The following RERE variants were observed in gnomAD, a reference collection of about 807,000 sequenced individuals.
The protein encoded by RERE is arginine-glutamic acid dipeptide repeats.
Under a neutral mutation model 146.1 loss-of-function variants are expected in RERE, and 40 were observed. The observed-to-expected ratio is 0.27, with a 90% confidence interval of 0.21 to 0.36. RERE has a LOEUF of 0.36. RERE is among the 10% of genes least tolerant of loss of function. The probability of loss-of-function intolerance (pLI) is 1.00; values close to 1 mark genes in which losing one functional copy is unlikely to be tolerated. For missense variants in RERE, 1,933 were observed against 2,138.7 expected (o/e 0.90, Z 1.90); for synonymous variants, 1,003 against 866.0 (o/e 1.16, Z -2.78).
intron 1 of RERE, among the ~76,000 whole-genome samples, chr1:8,812,247 G>A (rs1236345487): frequency 6.6e-6 from 1 of 152,200 alleles, no homozygotes; most frequent in African/African-American, 2.4e-5. Flanking sequence ...CAAATACCGA[G>A]TGGTTTATGA....
intron 6 of RERE, among the ~76,000 whole-genome samples, chr1:8,552,959 CACAA>C (rs1313913289): frequency 5.3e-5 from 8 of 151,320 alleles, no homozygotes; most frequent in South Asian, 4.2e-4. Context: ...CCAGCAAGTC[CACAA>C]ACACTCATGA....
chr1:8,447,774 AGT>A (rs1225243266), intron 11 of RERE, among the ~76,000 whole-genome samples: 1 of 152,196 alleles, frequency 6.6e-6, no homozygotes, highest in Non-Finnish European at 1.5e-5. Flanking sequence ...CAGAAGAATG[AGT>A]GTGCGGCACT....
intron 3 of RERE, among the ~76,000 whole-genome samples, chr1:8,616,539 C>T (rs890428251): frequency 6.6e-6 from 1 of 152,054 alleles, no homozygotes; most frequent in African/African-American, 2.4e-5. Flanking sequence ...ATTGTCTCAA[C>T]CTTTCTTAAG....
chr1:8,459,636 T>G (rs1472531058), intron 11 of RERE, among the ~76,000 whole-genome samples: 3 of 152,268 alleles, frequency 2.0e-5, no homozygotes, highest in African/African-American at 7.2e-5. Flanking sequence ...GACAATGACA[T>G]AAAACCACGT....
chr1:8,680,046 G>A (rs536937094), intron 1 of RERE, among the ~76,000 whole-genome samples: 9 of 152,232 alleles, frequency 5.9e-5, no homozygotes, highest in Non-Finnish European at 1.2e-4. Flanking sequence ...TGGAATAGCT[G>A]TTTTCTTAGT....
At chr1:8,363,882 C>G in intron 15 of RERE, 174 bp downstream of exon 15, 1 of 634,942 alleles carries the variant, frequency 1.6e-6, no homozygotes, top group Non-Finnish European at 2.7e-6. Context: ...AAGGAGAGAA[C>G]AGAGAACTCT....
chr1:8,585,465 G>A (rs528398233), intron 4 of RERE, among the ~76,000 whole-genome samples: 8 of 152,236 alleles, frequency 5.3e-5, no homozygotes, highest in South Asian at 4.1e-4. Context: ...ATGCTCTTGC[G>A]ATAACATCTC....
chr1:8,680,154 G>C (rs1478978097), intron 1 of RERE, among the ~76,000 whole-genome samples: 2 of 152,002 alleles, frequency 1.3e-5, no homozygotes, highest in Admixed American at 1.3e-4. Context: ...CTATACACCT[G>C]GTGGAAAATG....
chr1:8,669,688 AC>A (rs2124370059), intron 1 of RERE, among the ~76,000 whole-genome samples: 1 of 152,196 alleles, frequency 6.6e-6, no homozygotes, highest in Middle Eastern at 3.2e-3. Context: ...CCTTCTTTGG[AC>A]CACGGTAATC....
chr1:8,497,024 C>T (rs202223480), intron 9 of RERE, among the ~76,000 whole-genome samples: 63 of 152,260 alleles, frequency 4.1e-4, no homozygotes, highest in Non-Finnish European at 8.2e-4. Context: ...GCTATTTGTC[C>T]TAATGCTCTC....
At chr1:8,413,271 G>A (rs1763838) in intron 12 of RERE, among the ~76,000 whole-genome samples, 46,777 of 151,738 alleles carry the variant, frequency 0.31, 7,542 homozygotes, top group African/African-American at 0.35. Context: ...ACACATGTGT[G>A]CAGAGTAAAA....
chr1:8,418,923 C>T (rs1643849855), intron 12 of RERE, among the ~76,000 whole-genome samples: 1 of 151,982 alleles, frequency 6.6e-6, no homozygotes, highest in Non-Finnish European at 1.5e-5. Context: ...CACTGTCCTC[C>T]CAAAAGTTCA....
intron 4 of RERE, among the ~76,000 whole-genome samples, chr1:8,598,175 A>G (rs1646578093): frequency 6.6e-6 from 1 of 152,218 alleles, no homozygotes; most frequent in African/African-American, 2.4e-5. Context: ...CGCTGGAATT[A>G]TAAAGCGTAC....
At chr1:8,652,948 T>C (rs1647703107) in intron 2 of RERE, among the ~76,000 whole-genome samples, 1 of 152,176 alleles carries the variant, frequency 6.6e-6, no homozygotes, top group South Asian at 2.1e-4. Flanking sequence ...ATCCTCCCAC[T>C]TCAGTCTCAC....
In RERE at chr1:8,365,979, A is replaced by G; in HGVS notation, c.1285-5T>C. 1 of 1,612,682 alleles carries G rather than the reference A, an allele frequency of 6.2e-7. No homozygotes were observed. The highest frequency in any genetic ancestry group is 8.5e-7 in the Non-Finnish European group (1 of 1,179,724). Reference sequence around the variant, plus strand: ...ATAGAAGGTGATCAGCTCCCCCTGCAGAAGAGAAGGGCTGACTGTGGGGGA... The same window carrying G: ...ATAGAAGGTGATCAGCTCCCCCTGCGGAAGAGAAGGGCTGACTGTGGGGGA... On this transcript the variant is annotated splice_polypyrimidine_tract_variant and splice_region_variant and intron_variant, in intron 12 of 22. Transcript: ENST00000400908.
At chr1:8,703,509 C>CCGCGGG (rs1044018458) in intron 1 of RERE, among the ~76,000 whole-genome samples, 15 of 151,902 alleles carry the variant, frequency 9.9e-5, no homozygotes, top group Non-Finnish European at 1.3e-4. Context: ...CTGGCCGCCG[C>CCGCGGG]CGCGGGCGCG....
At chr1:8,377,715 C>T (rs915633750) in intron 12 of RERE, among the ~76,000 whole-genome samples, 2 of 152,140 alleles carry the variant, frequency 1.3e-5, no homozygotes, top group Non-Finnish European at 2.9e-5. Context: ...ATCAAAGTGA[C>T]ATCCGTCAGG....
At chr1:8,678,681 C>A (rs968280195) in intron 1 of RERE, among the ~76,000 whole-genome samples, 1 of 151,608 alleles carries the variant, frequency 6.6e-6, no homozygotes, top group East Asian at 1.9e-4. Flanking sequence ...GGCGACAGAG[C>A]GAGACTCCAT....
At chr1:8,753,326 G>A (rs530926098) in intron 1 of RERE, 5 of 152,082 alleles carry the variant, frequency 3.3e-5, no homozygotes, top group Admixed American at 6.6e-5. Context: ...TATATTCCAC[G>A]CATTTTTGCA....
Sources: allele counts gnomAD v4.1 joint callset (sites outside exome capture counted in the v4.1 genomes callset), GRCh38; gene constraint gnomAD v4.1.1; transcripts MANE v1.5; gene names NCBI Gene and HGNC (gene_info 2026-07-23, HGNC 2026-07-21).